The following FHIT variants were observed in gnomAD, a reference collection of about 807,000 sequenced individuals.
FHIT encodes fragile histidine triad diadenosine triphosphatase, also known as bis(5'-adenosyl)-triphosphatase.
Under a neutral mutation model 17.9 loss-of-function variants are expected in FHIT, and 19 were observed. That is an observed-to-expected ratio of 1.06 (90% confidence interval 0.74 to 1.56). The LOEUF (loss-of-function observed/expected upper bound fraction) is 1.56, where lower values mean the gene tolerates loss of function less well. FHIT is among the 40% of genes most tolerant of loss of function. The pLI is 0.00. For missense variants in FHIT, 248 were observed against 189.2 expected (o/e 1.31, Z -1.82); for synonymous variants, 81 against 69.7 (o/e 1.16, Z -0.81).
At chr3:60,804,902 A>G (rs540363154) in intron 4 of FHIT, among the ~76,000 whole-genome samples, 3 of 152,332 alleles carry the variant, frequency 2.0e-5, no homozygotes, top group African/African-American at 4.8e-5. Flanking sequence ...TGGCATGGCC[A>G]TGGCAATTTC....
intron 7 of FHIT, among the ~76,000 whole-genome samples, chr3:60,006,463 C>T (rs972793730): frequency 2.6e-5 from 4 of 152,050 alleles, no homozygotes; most frequent in East Asian, 1.9e-4. Flanking sequence ...TTGAGATTAA[C>T]GTTAAGAAAC....
chr3:59,942,166 C>G (rs1337142057), intron 7 of FHIT, among the ~76,000 whole-genome samples: 1 of 152,208 alleles, frequency 6.6e-6, no homozygotes. Flanking sequence ...CTTGGTTTCT[C>G]TGACCTTTCT....
intron 4 of FHIT, among the ~76,000 whole-genome samples, chr3:60,664,323 T>A (rs1231697134): frequency 4.6e-5 from 7 of 152,170 alleles, no homozygotes; most frequent in African/African-American, 1.7e-4. Context: ...TGGCATATAA[T>A]AAATCCTACT....
chr3:60,057,112 G>A (rs1413736964), intron 5 of FHIT, among the ~76,000 whole-genome samples: 4 of 152,150 alleles, frequency 2.6e-5, no homozygotes, highest in African/African-American at 9.7e-5. Flanking sequence ...GAGAATGGGT[G>A]ATAAAGGGGG....
intron 2 of FHIT, among the ~76,000 whole-genome samples, chr3:61,090,772 CA>C (rs1314698609): frequency 2.0e-5 from 3 of 152,086 alleles, no homozygotes; most frequent in African/African-American, 4.8e-5. Flanking sequence ...TAAAGATAAA[CA>C]AAAATAACGT....
intron 8 of FHIT, among the ~76,000 whole-genome samples, chr3:59,914,961 T>C (rs1314778067): frequency 2.6e-5 from 4 of 152,244 alleles, no homozygotes; most frequent in African/African-American, 9.6e-5. Flanking sequence ...TGACTGTTTA[T>C]TAATAGCTAT....
At chr3:60,563,948 G>A (rs1248905039) in intron 4 of FHIT, among the ~76,000 whole-genome samples, 2 of 152,176 alleles carry the variant, frequency 1.3e-5, no homozygotes, top group East Asian at 1.9e-4. Flanking sequence ...ATAGATTTTC[G>A]ATAGTGACAA....
chr3:60,055,610 T>C (rs748369397), intron 5 of FHIT, among the ~76,000 whole-genome samples: 1 of 152,174 alleles, frequency 6.6e-6, no homozygotes, highest in Non-Finnish European at 1.5e-5. Context: ...CAACATTTTC[T>C]AGGCACTGGC....
chr3:59,771,571 G>T (rs1005735313), intron 8 of FHIT, among the ~76,000 whole-genome samples: 1 of 152,138 alleles, frequency 6.6e-6, no homozygotes, highest in Admixed American at 6.5e-5. Context: ...GGGAAATAAA[G>T]TTCTAAGCAA....
chr3:60,307,813 G>A (rs143641851), intron 5 of FHIT, among the ~76,000 whole-genome samples: 162 of 151,688 alleles, frequency 1.1e-3, no homozygotes, highest in African/African-American at 3.7e-3. Flanking sequence ...TCTGTGCCCA[G>A]ACCCTCAAGG....
chr3:60,001,049 C>G (rs1252468045), intron 7 of FHIT, among the ~76,000 whole-genome samples: 2 of 152,212 alleles, frequency 1.3e-5, no homozygotes, highest in African/African-American at 4.8e-5. Flanking sequence ...ACCACCCCAT[C>G]TAAAGTAGCC....
intron 2 of FHIT, among the ~76,000 whole-genome samples, chr3:61,173,438 G>C (rs2038068528): frequency 6.6e-6 from 1 of 152,234 alleles, no homozygotes; most frequent in African/African-American, 2.4e-5. Context: ...TGTTTCTAAA[G>C]ACCTGTGGTA....
chr3:60,514,227 G>A (rs1027514807), intron 5 of FHIT, among the ~76,000 whole-genome samples: 6 of 152,240 alleles, frequency 3.9e-5, no homozygotes, highest in East Asian at 3.9e-4. Context: ...TCACTGAGCT[G>A]GCTAACACTT....
chr3:61,249,933 A>AACACACACACACACACACACACACAC (rs71100943), intron 1 of FHIT, among the ~76,000 whole-genome samples: 1 of 126,048 alleles, frequency 7.9e-6, no homozygotes, highest in Non-Finnish European at 1.7e-5. Context: ...AATCAATAAC[A>AACACACACACACACACACACACACAC]ACACACACAC....
intron 4 of FHIT, among the ~76,000 whole-genome samples, chr3:60,789,289 C>A (rs923331107): frequency 6.6e-6 from 1 of 151,602 alleles, no homozygotes; most frequent in Non-Finnish European, 1.5e-5. Context: ...GAGGCCAAGG[C>A]GGGTAGATCA....
At chr3:60,497,703 C>A (rs879346414) in intron 5 of FHIT, among the ~76,000 whole-genome samples, 17 of 152,146 alleles carry the variant, frequency 1.1e-4, no homozygotes, top group African/African-American at 4.1e-4. Context: ...TCAGAGAAAG[C>A]TAATTCCGTC....
chr3:60,232,023 C>A (rs762645948), intron 5 of FHIT, among the ~76,000 whole-genome samples: 6 of 152,130 alleles, frequency 3.9e-5, no homozygotes, highest in Admixed American at 1.3e-4. Context: ...TTAACTTATA[C>A]ATGCCAATAA....
At chr3:60,411,105 A>G (rs575345706) in intron 5 of FHIT, among the ~76,000 whole-genome samples, 31 of 152,276 alleles carry the variant, frequency 2.0e-4, no homozygotes, top group African/African-American at 6.5e-4. Context: ...TTAAATACAC[A>G]TAAAGGATTT....
chr3:60,836,567 A>G (rs1010766653), intron 3 of FHIT, among the ~76,000 whole-genome samples: 2 of 152,148 alleles, frequency 1.3e-5, no homozygotes, highest in African/African-American at 4.8e-5. Flanking sequence ...AGAGTTGTTC[A>G]TGGCATTTCT....
Sources: gnomAD v4.1 joint callset for allele counts (sites outside exome capture counted in the v4.1 genomes callset) on GRCh38, gnomAD v4.1.1 for gene constraint, MANE v1.5 for transcripts, NCBI Gene and HGNC (gene_info 2026-07-23, HGNC 2026-07-21) for gene names.